The following PCDHGA9 variants were observed in gnomAD, a reference collection of about 807,000 sequenced individuals.
PCDHGA9 encodes protocadherin gamma subfamily A, 9, also known as protocadherin gamma-A9.
Under a neutral mutation model 62.5 loss-of-function variants are expected in PCDHGA9, and 37 were observed. The ratio of observed to expected loss-of-function variants is 0.59; its 90% CI spans 0.46 to 0.78. The LOEUF (loss-of-function observed/expected upper bound fraction) is 0.78, where lower values mean the gene tolerates loss of function less well. Among genes scored for constraint, PCDHGA9 ranks in the 30% least tolerant of loss-of-function variants. The probability of loss-of-function intolerance (pLI) is 0.00; values close to 1 mark genes in which losing one functional copy is unlikely to be tolerated. For missense variants in PCDHGA9, 1,138 were observed against 1,166.2 expected, an observed-to-expected ratio of 0.98 and a Z score of 0.35; for synonymous variants, 459 against 484.6, an observed-to-expected ratio of 0.95 and a Z score of 0.69.
At chr5:141,433,103 C>T (rs762225174) in intron 1 of PCDHGA9, 3 of 1,614,126 alleles carry the variant, frequency 1.9e-6, no homozygotes, top group Non-Finnish European at 2.5e-6. Flanking sequence ...GCTCGTCAGC[C>T]AGGAGAGCTT....
chr5:141,413,302 T>C (rs746274089), intron 1 of PCDHGA9: 2 of 1,613,960 alleles, frequency 1.2e-6, no homozygotes, highest in Non-Finnish European at 8.5e-7. Context: ...TCCTGAGGAA[T>C]TAGAGAAAGG....
chr5:141,455,936 C>T (rs1194722770), intron 1 of PCDHGA9, among the ~76,000 whole-genome samples: 3 of 151,422 alleles, frequency 2.0e-5, no homozygotes, highest in East Asian at 3.9e-4. Flanking sequence ...CTCGCTCTGT[C>T]GCCCAGGCTG....
chr5:141,415,350 G>C, intron 1 of PCDHGA9: 1 of 1,614,228 alleles, frequency 6.2e-7, no homozygotes, highest in Non-Finnish European at 8.5e-7. Context: ...GCTGGCACAA[G>C]TCACGCCTGC....
At chr5:141,433,481 G>C (rs2097613311) in intron 1 of PCDHGA9, among the ~76,000 whole-genome samples, 1 of 152,046 alleles carries the variant, frequency 6.6e-6, no homozygotes, top group African/African-American at 2.4e-5. Flanking sequence ...CTAGCCTCCT[G>C]CTTCTCCCTC....
At chr5:141,418,778 T>A (rs1256260275) in intron 1 of PCDHGA9, 1 of 1,613,626 alleles carries the variant, frequency 6.2e-7, no homozygotes, top group East Asian at 2.2e-5. Flanking sequence ...TCAGCAGCCT[T>A]TGGATTTTGA....
rs2099450974 is a variant in PCDHGA9 at position 141,478,361 on chromosome 5, G to A, written c.2425-16446G>A. 6 of 1,613,776 alleles carry A rather than the reference G, an allele frequency of 3.7e-6. No individual in the cohort carries two copies. The East Asian group carries it at 1.3e-4, about 36-fold the overall frequency. ...CTCCTTGCACGCGGACGCCGTGCGGGGAGGCCTGATGTCGCCGCACCTTTA... is the reference window on the plus strand; with the variant it reads ...CTCCTTGCACGCGGACGCCGTGCGGAGAGGCCTGATGTCGCCGCACCTTTA... On this transcript the variant is annotated intron_variant, in intron 1 of 3. Coordinates refer to ENST00000573521, the MANE Select transcript of PCDHGA9 (RefSeq NM_018921.3).
At chr5:141,409,840 G>A (rs1361942011) in intron 1 of PCDHGA9, 3 of 1,611,558 alleles carry the variant, frequency 1.9e-6, no homozygotes, top group African/African-American at 1.3e-5. Flanking sequence ...GCGCCAACGT[G>A]AGCCTGCGCG....
intron 1 of PCDHGA9, among the ~76,000 whole-genome samples, chr5:141,469,102 A>G (rs1423904196): frequency 6.6e-6 from 1 of 151,626 alleles, no homozygotes; most frequent in East Asian, 1.9e-4. Flanking sequence ...CAAAGCAAGA[A>G]CCTGTCTCTA....
intron 1 of PCDHGA9, among the ~76,000 whole-genome samples, chr5:141,458,449 A>G (rs1483902182): frequency 6.6e-6 from 1 of 152,086 alleles, no homozygotes; most frequent in Non-Finnish European, 1.5e-5. Context: ...CCACATTAAC[A>G]ATTTTTAAAA....
At chr5:141,415,881 T>C (rs1589997447) in intron 1 of PCDHGA9, 1 of 1,003,346 alleles carries the variant, frequency 1.0e-6, no homozygotes, top group Non-Finnish European at 1.3e-6. Context: ...GAGTACAATA[T>C]TGACAATTCC....
chr5:141,428,180 C>A, intron 1 of PCDHGA9: 1 of 1,486,268 alleles, frequency 6.7e-7, no homozygotes, highest in Non-Finnish European at 9.2e-7. Flanking sequence ...TGACGGAGGA[C>A]AGCCGCCGCT....
rs1461617825 is a variant in PCDHGA9, at chr5:141,431,902, G to A, written c.2424+26526G>A. On this transcript the variant is annotated intron_variant, in intron 1 of 3. Coordinates refer to ENST00000573521, the MANE Select transcript of PCDHGA9 (RefSeq NM_018921.3). This position sits in a 1 kb window ranked among gnomAD's most constrained non-coding sequence, Gnocchi z 4.8. ...ACCAAGATTCTGAGGAAAACGGACA[G>A]GTGATCTGTTTCATCCAAGGAAATC... 1.2e-6 allele frequency: 2 copies of A among 1,613,764 alleles called. No homozygotes were observed. The highest frequency in any genetic ancestry group is 1.3e-5 in the African/African-American group (1 of 74,918).
At chr5:141,423,631 T>G (rs1452661307) in intron 1 of PCDHGA9, 2 of 1,603,990 alleles carry the variant, frequency 1.2e-6, no homozygotes, top group African/African-American at 2.7e-5. Flanking sequence ...AGCTATCATT[T>G]TAGGCAAATG....
chr5:141,472,954 C>A (rs2099305799), intron 1 of PCDHGA9, among the ~76,000 whole-genome samples: 1 of 143,370 alleles, frequency 7.0e-6, no homozygotes, highest in Admixed American at 7.3e-5. Flanking sequence ...CCATTGCACT[C>A]CAGCCTGGGG....
chr5:141,445,363 T>C (rs186841717), intron 1 of PCDHGA9, among the ~76,000 whole-genome samples: 9 of 152,284 alleles, frequency 5.9e-5, no homozygotes. Context: ...CCAAGTCTGG[T>C]CCTGGGTGGT....
In PCDHGA9 at chr5:141,487,762, T is replaced by C; in HGVS notation, c.2425-7045T>C. 6.5e-7 allele frequency: 1 copy of C among 1,545,432 alleles called. No homozygotes were observed. The highest frequency in any genetic ancestry group is 8.8e-7 in the Non-Finnish European group (1 of 1,142,332). ...TAAGAGGTAACTATGTGGTAGACGC[T>C]GTGCTTTGTAACTGTTTCGTGAATT... On this transcript the variant is annotated intron_variant, in intron 1 of 3. Coordinates refer to ENST00000573521, the MANE Select transcript of PCDHGA9 (RefSeq NM_018921.3). The surrounding 1 kb of genome is among the most constrained non-coding windows in gnomAD (Gnocchi z 5.0).
chr5:141,462,183 C>A (rs1439465872), intron 1 of PCDHGA9, among the ~76,000 whole-genome samples: 1 of 152,158 alleles, frequency 6.6e-6, no homozygotes. Flanking sequence ...TGGTCTTGAA[C>A]TCCTGACCTC....
In PCDHGA9 at chr5:141,486,172, T is replaced by C; in HGVS notation, c.2425-8635T>C. ...GGGGTTCTCCAGCCATGGAGCAACA[T>C]TGCAGCCTTCGAGTGGATCTGCTGG... On this transcript the variant is annotated intron_variant, in intron 1 of 3. Transcript: ENST00000573521. The surrounding 1 kb of genome is among the most constrained non-coding windows in gnomAD (Gnocchi z 5.0). 3 of 1,614,212 alleles carry C rather than the reference T, an allele frequency of 1.9e-6. No homozygotes were observed. Among genetic ancestry groups the C allele is most frequent in the Admixed American group, 1.7e-5 (1 of 60,036 alleles).
Position 141,486,058 on chromosome 5 carries a change from G to A in PCDHGA9, c.2425-8749G>A. On this transcript the variant is annotated intron_variant, in intron 1 of 3. Transcript: ENST00000573521. The surrounding 1 kb of genome is among the most constrained non-coding windows in gnomAD (Gnocchi z 5.0). The stretch of plus-strand genomic sequence containing the variant: ...ATCGTGTAAGAAACCTCTTTAGCCT[G>A]CACCCCACTACTGGAAAGCTTACTC... The A allele has an allele frequency of 6.2e-7, 1 of 1,614,122 alleles. No homozygotes were observed. The highest frequency in any genetic ancestry group is 8.5e-7 in the Non-Finnish European group (1 of 1,180,012).
Sources: gnomAD v4.1 joint callset for allele counts (sites outside exome capture counted in the v4.1 genomes callset) on GRCh38, gnomAD v4.1.1 for gene constraint, Gnocchi (gnomAD v3.1) non-coding constraint, MANE v1.5 for transcripts, NCBI Gene and HGNC (gene_info 2026-07-23, HGNC 2026-07-21) for gene names.